The following STXBP5 variants were observed in gnomAD, a reference collection of about 807,000 sequenced individuals.
STXBP5 encodes the protein syntaxin binding protein 5.
A neutral mutation model predicts 152.4 loss-of-function variants in STXBP5; 50 were observed. The observed-to-expected ratio is 0.33, with a 90% CI of 0.26 to 0.42. The LOEUF (loss-of-function observed/expected upper bound fraction) is 0.42, where lower values mean the gene tolerates loss of function less well. Ranked by LOEUF, STXBP5 falls within the 10% of genes least tolerant of loss-of-function variation. STXBP5 has a pLI of 1.00. For synonymous variants in STXBP5, 492 were observed against 494.7 expected, an observed-to-expected ratio of 0.99 and a Z score of 0.07; for missense variants, 1,167 against 1,388.6, an observed-to-expected ratio of 0.84 and a Z score of 2.54.
At chr6:147,378,464 A>T (rs1287668804) in intron 26 of STXBP5, among the ~76,000 whole-genome samples, 1 of 151,888 alleles carries the variant, frequency 6.6e-6, no homozygotes, top group Non-Finnish European at 1.5e-5. Flanking sequence ...CCTAGAAACT[A>T]AATTGCAAAT....
intron 3 of STXBP5, among the ~76,000 whole-genome samples, chr6:147,238,882 C>T (rs1245670016): frequency 6.6e-6 from 1 of 152,112 alleles, no homozygotes; most frequent in African/African-American, 2.4e-5. Context: ...TTTTAAATAA[C>T]TAGATCTTAA....
At chr6:147,295,539 C>T (rs1481722077) in intron 9 of STXBP5, among the ~76,000 whole-genome samples, 2 of 152,156 alleles carry the variant, frequency 1.3e-5, no homozygotes, top group Non-Finnish European at 2.9e-5. Context: ...GCGCAGAAAG[C>T]GAGTGGCCAA....
chr6:147,250,479 T>G (rs1296504160), intron 4 of STXBP5, among the ~76,000 whole-genome samples: 1 of 152,194 alleles, frequency 6.6e-6, no homozygotes, highest in Non-Finnish European at 1.5e-5. Context: ...AGAAATGATT[T>G]AAAGTATATG....
intron 9 of STXBP5, among the ~76,000 whole-genome samples, chr6:147,304,214 A>G (rs998855615): frequency 6.6e-6 from 1 of 152,286 alleles, no homozygotes; most frequent in Middle Eastern, 3.4e-3. Flanking sequence ...GGCCAGATCC[A>G]GGGTCTTGCC....
chr6:147,210,700 A>T (rs1452166170), intron 2 of STXBP5, among the ~76,000 whole-genome samples: 3 of 152,164 alleles, frequency 2.0e-5, no homozygotes, highest in Non-Finnish European at 4.4e-5. Context: ...TTCACCAGTT[A>T]AATAAGAATA....
chr6:147,297,644 A>G (rs1781594431), intron 9 of STXBP5, among the ~76,000 whole-genome samples: 1 of 152,192 alleles, frequency 6.6e-6, no homozygotes, highest in Non-Finnish European at 1.5e-5. Flanking sequence ...TACAGCCACA[A>G]GTAGTTGTTA....
At chr6:147,253,893 C>T (rs1369870108) in intron 4 of STXBP5, among the ~76,000 whole-genome samples, 1 of 152,110 alleles carries the variant, frequency 6.6e-6, no homozygotes, top group East Asian at 1.9e-4. Context: ...AGATTCAGTG[C>T]TATCCCCATC....
chr6:147,283,543 C>G (rs1286689981), intron 8 of STXBP5, among the ~76,000 whole-genome samples: 1 of 152,144 alleles, frequency 6.6e-6, no homozygotes, highest in African/African-American at 2.4e-5. Context: ...CCTATGTGAG[C>G]TCCCAGTGAG....
At chr6:147,272,400 C>T (rs565915802) in intron 7 of STXBP5, among the ~76,000 whole-genome samples, 11 of 152,070 alleles carry the variant, frequency 7.2e-5, no homozygotes, top group African/African-American at 1.2e-4. Flanking sequence ...TTCTAAATGA[C>T]GGTGTTAAGT....
chr6:147,213,869 C>CT (rs1343722409), intron 2 of STXBP5, among the ~76,000 whole-genome samples: 1 of 151,890 alleles, frequency 6.6e-6, no homozygotes, highest in East Asian at 1.9e-4. Flanking sequence ...CTATTAATAC[C>CT]TTTTAGATTT....
At chr6:147,287,828 T>G (rs1159867536) in intron 8 of STXBP5, among the ~76,000 whole-genome samples, 2 of 152,246 alleles carry the variant, frequency 1.3e-5, no homozygotes, top group Non-Finnish European at 2.9e-5. Flanking sequence ...GAAGTTTTAT[T>G]ATTTCTAATA....
At chr6:147,303,111 A>T (rs756105780) in intron 9 of STXBP5, among the ~76,000 whole-genome samples, 1 of 152,176 alleles carries the variant, frequency 6.6e-6, no homozygotes, top group Non-Finnish European at 1.5e-5. Flanking sequence ...TACCAATTTC[A>T]TAAATAATCT....
chr6:147,270,453 C>G (rs1169254263), intron 7 of STXBP5, among the ~76,000 whole-genome samples: 3 of 150,414 alleles, frequency 2.0e-5, no homozygotes, highest in East Asian at 1.9e-4. Context: ...GCAATGTAAG[C>G]CAGAACACAG....
intron 9 of STXBP5, among the ~76,000 whole-genome samples, chr6:147,305,276 A>G (rs551918686): frequency 1.3e-5 from 2 of 152,220 alleles, no homozygotes; most frequent in Non-Finnish European, 2.9e-5. Context: ...AAAAATTTAA[A>G]TACTTCTTGA....
intron 25 of STXBP5, among the ~76,000 whole-genome samples, chr6:147,371,102 C>G (rs1170620785): frequency 1.3e-5 from 2 of 151,870 alleles, no homozygotes; most frequent in Non-Finnish European, 2.9e-5. Context: ...GTAATTAAGT[C>G]CAATGTCTTG....
At chr6:147,303,635 G>A (rs1272142907) in intron 9 of STXBP5, among the ~76,000 whole-genome samples, 4 of 152,196 alleles carry the variant, frequency 2.6e-5, no homozygotes, top group Non-Finnish European at 5.9e-5. Flanking sequence ...TTCGGAAGAA[G>A]ACAGAAAGAT....
chr6:147,235,132 C>A, intron 2 of STXBP5, 118 bp from the exon 3 acceptor site: 1 of 742,556 alleles, frequency 1.3e-6, no homozygotes, highest in Non-Finnish European at 2.2e-6. Flanking sequence ...ATCTCAACTT[C>A]AGTAAATGGC....
chr6:147,384,708 C>G lies in STXBP5; in HGVS notation c.3415-6C>G. On this transcript the variant is annotated splice_polypyrimidine_tract_variant and splice_region_variant and intron_variant, in intron 27 of 27. Transcript: ENST00000321680. ...AAGCATGTTTTTCTTTTTTTTCCCCCTTTAGATTATGTTGAAATACAAAGA... is the reference window on the plus strand; with the variant it reads ...AAGCATGTTTTTCTTTTTTTTCCCCGTTTAGATTATGTTGAAATACAAAGA... The G allele has an allele frequency of 3.7e-6, 6 of 1,610,054 alleles. No individual in the cohort carries two copies. Among genetic ancestry groups the G allele is most frequent in the Non-Finnish European group, 4.2e-6 (5 of 1,177,974 alleles).
At chr6:147,250,403 G>A (rs1241558709) in intron 4 of STXBP5, among the ~76,000 whole-genome samples, 3 of 151,554 alleles carry the variant, frequency 2.0e-5, no homozygotes, top group African/African-American at 7.3e-5. Flanking sequence ...AATATTTGGG[G>A]AAAAATACAA....
Sources: allele counts gnomAD v4.1 joint callset (sites outside exome capture counted in the v4.1 genomes callset), GRCh38; gene constraint gnomAD v4.1.1; transcripts MANE v1.5; gene names NCBI Gene and HGNC (gene_info 2026-07-23, HGNC 2026-07-21).